The following PLAGL2 variants were observed in gnomAD, a reference collection of about 807,000 sequenced individuals.
PLAGL2 encodes the protein PLAG1 like zinc finger 2.
PLAGL2 carries 7 observed loss-of-function variants against 29.0 expected under a neutral mutation model. That is an observed-to-expected ratio of 0.24 (90% CI 0.14 to 0.45). The LOEUF (loss-of-function observed/expected upper bound fraction) is 0.45. Ranked by LOEUF, PLAGL2 falls within the 20% of genes least tolerant of loss-of-function variation. PLAGL2 has a pLI of 0.99. For synonymous variants in PLAGL2, 234 were observed against 266.0 expected, an observed-to-expected ratio of 0.88 and a Z score of 1.17; for missense variants, 454 against 648.2, an observed-to-expected ratio of 0.70 and a Z score of 3.25.
At chr20:32,203,991 C>T (rs2122547078) in intron 1 of PLAGL2, among the ~76,000 whole-genome samples, 1 of 152,292 alleles carries the variant, frequency 6.6e-6, no homozygotes, top group Middle Eastern at 3.4e-3. Context: ...GTGCCTGCTT[C>T]ACTATAAACC....
rs114966148 is a variant in PLAGL2, at chr20:32,196,998, C to A, written c.945G>T (p.Val315=). The part of the protein sequence containing the change: ...MPSTGVPHSL[V]HNTLPMGMSY... The stretch of plus-strand genomic sequence containing the variant: ...TCATACCCATGGGCAGCGTGTTGTG[C>A]ACCAGGGAGTGTGGCACGCCCGTGC... Residue 315 remains valine (V), a synonymous_variant, in exon 3 of 3, where the codon GTG becomes GTT. Coordinates refer to ENST00000246229, the MANE Select transcript of PLAGL2 (RefSeq NM_002657.3). 994 of 1,614,192 alleles carry A rather than the reference C, an allele frequency of 6.2e-4. 4 individuals carry two copies. The African/African-American group carries it at 0.012, about 20-fold the overall frequency.
chr20:32,205,360 T>TA (rs1235860884), intron 1 of PLAGL2, among the ~76,000 whole-genome samples: 7 of 152,154 alleles, frequency 4.6e-5, no homozygotes, highest in Non-Finnish European at 8.8e-5. Context: ...ACATCCCCTT[T>TA]AAAGAGCCCC....
intron 1 of PLAGL2, among the ~76,000 whole-genome samples, chr20:32,203,760 T>C (rs2047271723): frequency 6.6e-6 from 1 of 152,220 alleles, no homozygotes; most frequent in South Asian, 2.1e-4. Context: ...CCCAGAGAGC[T>C]TTGCTCATCA....
intron 1 of PLAGL2, among the ~76,000 whole-genome samples, chr20:32,205,601 T>C (rs897114808): frequency 1.9e-4 from 29 of 152,294 alleles, no homozygotes; most frequent in Middle Eastern, 3.4e-3. Context: ...GAAACTATAG[T>C]TTTTATGGTG....
chr20:32,206,966 T>C (rs1205119388), intron 1 of PLAGL2, among the ~76,000 whole-genome samples: 1 of 151,624 alleles, frequency 6.6e-6, no homozygotes, highest in African/African-American at 2.4e-5. Flanking sequence ...AAGAATGAAA[T>C]GGGGGATTAT....
In PLAGL2 at chr20:32,202,055, A is replaced by G; in HGVS notation, c.124T>C (p.Cys42Arg). The G allele has an allele frequency of 6.2e-7, 1 of 1,614,154 alleles. No homozygotes were observed. The change falls in exon 2 of 3, where the codon TGT becomes CGT. Residue 42 changes from cysteine (C) to arginine (R), a missense_variant. Transcript: ENST00000246229. ...GAGAAAGGTGTTCCCGAAATTTCAC[A>G]TTGGCACTTCACTTGACTCTCCGCC... ...REAESQVKCQ[C>R]EISGTPFSNG...
chr20:32,205,143 C>G (rs6061225), intron 1 of PLAGL2, among the ~76,000 whole-genome samples: 5,279 of 152,238 alleles, frequency 0.035, 353 homozygotes, highest in African/African-American at 0.12. Flanking sequence ...TTGAAAGTGG[C>G]TGATACAAAA....
At chr20:32,198,340 A>C (rs2047241038) in intron 2 of PLAGL2, among the ~76,000 whole-genome samples, 1 of 152,254 alleles carries the variant, frequency 6.6e-6, no homozygotes, top group African/African-American at 2.4e-5. Flanking sequence ...AGAGAAAATA[A>C]AATATACCTA....
rs1172370801 is a variant in PLAGL2 at position 32,197,828 on chromosome 20, T to C, written c.261-146A>G. 13 of 652,226 alleles carry C rather than the reference T, an allele frequency of 2.0e-5. No homozygotes were observed. In the African/African-American group the frequency reaches 2.4e-4, roughly 12 times the overall value. The allele number at this position is 652,226 out of a possible 1,614,324, so 40.4% of individuals were successfully genotyped here. On this transcript the variant is annotated intron_variant, in intron 2 of 2. Coordinates refer to ENST00000246229, the MANE Select transcript of PLAGL2 (RefSeq NM_002657.3). The surrounding 1 kb of genome is among the most constrained non-coding windows in gnomAD (Gnocchi z 6.6). ...GCAATGCAATACCAAACCAGTTATA[T>C]TCTACAGATATCCTTGCCTATCTGC...
At chr20:32,205,595 C>CTATA (rs1334027337) in intron 1 of PLAGL2, among the ~76,000 whole-genome samples, 1 of 152,202 alleles carries the variant, frequency 6.6e-6, no homozygotes, top group African/African-American at 2.4e-5. Context: ...TCTGATGAAA[C>CTATA]TATAGTTTTT....
intron 1 of PLAGL2, among the ~76,000 whole-genome samples, chr20:32,206,421 T>G (rs2047287659): frequency 6.6e-6 from 1 of 151,226 alleles, no homozygotes; most frequent in Non-Finnish European, 1.5e-5. Context: ...CTTTGGAGTC[T>G]CTTTGATTCA....
intron 2 of PLAGL2, among the ~76,000 whole-genome samples, chr20:32,200,486 A>G (rs2122540638): frequency 6.6e-6 from 1 of 152,220 alleles, no homozygotes; most frequent in South Asian, 2.1e-4. Flanking sequence ...TTGGCCTCCC[A>G]AAGTGCTGGG....
At chr20:32,200,762 T>A (rs2047255348) in intron 2 of PLAGL2, among the ~76,000 whole-genome samples, 1 of 151,986 alleles carries the variant, frequency 6.6e-6, no homozygotes, top group Admixed American at 6.6e-5. Context: ...AGCTAATTTT[T>A]AAAAAATTTT....
chr20:32,206,540 C>A (rs1315130549), intron 1 of PLAGL2, among the ~76,000 whole-genome samples: 1 of 152,206 alleles, frequency 6.6e-6, no homozygotes, highest in Admixed American at 6.5e-5. Flanking sequence ...TTCGACACCC[C>A]CGCTCCCAAT....
chr20:32,195,015 G>T lies in PLAGL2; in HGVS notation c.*1437C>A, dbSNP rs552798375. On this transcript the variant is annotated 3_prime_UTR_variant, in exon 3 of 3. Coordinates refer to ENST00000246229, the MANE Select transcript of PLAGL2 (RefSeq NM_002657.3). ...GGGAGCCCCACGAGTCAGAAGAAAA[G>T]AACTAATCATTTGTTGCAAGAAACC... The T allele has an allele frequency of 3.0e-5, 4 of 135,100 alleles. No individual in the cohort carries two copies. The South Asian group carries it at 9.8e-4, about 33-fold the overall frequency. The allele number at this position is 135,100 out of a possible 1,614,324, so 8.4% of individuals were successfully genotyped here.
At position 32,196,252 on chromosome 20, in the gene PLAGL2, G is replaced by A. The variant is rs558461313; in HGVS notation, c.*200C>T. 2.2e-5 allele frequency: 9 copies of A among 400,196 alleles called. No homozygotes were observed. The highest frequency in any genetic ancestry group is 1.4e-4 in the South Asian group (1 of 7,312). The allele number at this position is 400,196 out of a possible 1,614,324, so 24.8% of individuals were successfully genotyped here. On this transcript the variant is annotated 3_prime_UTR_variant, in exon 3 of 3. Transcript: ENST00000246229. Reference sequence around the variant, plus strand: ...GTCCTACGGTATGAGATCTTTTCACGGGGTTGGGGCTCAAGGCTCCTTCTG... The same window carrying A: ...GTCCTACGGTATGAGATCTTTTCACAGGGTTGGGGCTCAAGGCTCCTTCTG...
At chr20:32,199,873 G>A (rs1005564741) in intron 2 of PLAGL2, among the ~76,000 whole-genome samples, 16 of 151,996 alleles carry the variant, frequency 1.1e-4, no homozygotes, top group African/African-American at 3.9e-4. Context: ...CTAAGAGTAT[G>A]GCCTTGACTG....
chr20:32,195,392 A>C lies in PLAGL2; in HGVS notation c.*1060T>G, dbSNP rs1232955354. The C allele has an allele frequency of 6.6e-6, 1 of 152,628 alleles. No individual in the cohort carries two copies. The highest frequency in any genetic ancestry group is 1.5e-5 in the Non-Finnish European group (1 of 68,058). 9.5% of individuals were successfully genotyped at this position (152,628 alleles called of 1,614,324 possible). ...CTTCCAAGACTAATAACAACAGCTC[A>C]TGATGTTCAAGGTGGGGACTAGGGG... is the stretch of plus-strand genomic sequence containing the variant. On this transcript the variant is annotated 3_prime_UTR_variant, in exon 3 of 3. Transcript: ENST00000246229.
At chr20:32,205,645 C>T (rs912361119) in intron 1 of PLAGL2, among the ~76,000 whole-genome samples, 2 of 152,128 alleles carry the variant, frequency 1.3e-5, no homozygotes, top group African/African-American at 4.8e-5. Context: ...CGTTCTTTCT[C>T]CATTATTAGC....
Sources: gnomAD v4.1 joint callset for allele counts (sites outside exome capture counted in the v4.1 genomes callset) on GRCh38, gnomAD v4.1.1 for gene constraint, Gnocchi (gnomAD v3.1) non-coding constraint, MANE v1.5 for transcripts, NCBI Gene and HGNC (gene_info 2026-07-23, HGNC 2026-07-21) for gene names.